The following SCFD1 variants were observed in gnomAD, a reference collection of about 807,000 sequenced individuals.
The protein encoded by SCFD1 is sec1 family domain-containing protein 1.
SCFD1 carries 37 observed loss-of-function variants against 103.2 expected under a neutral mutation model. That is an observed-to-expected ratio of 0.36 (90% CI 0.28 to 0.47). The LOEUF (loss-of-function observed/expected upper bound fraction) is 0.47, where lower values mean the gene tolerates loss of function less well. Ranked by LOEUF, SCFD1 falls within the 20% of genes least tolerant of loss-of-function variation. The pLI is 1.00. For missense variants in SCFD1, 639 were observed against 761.2 expected (o/e 0.84, Z 1.89); for synonymous variants, 264 against 245.0 (o/e 1.08, Z -0.73).
chr14:30,640,593 G>T (rs1305095756), intron 6 of SCFD1, among the ~76,000 whole-genome samples: 1 of 151,886 alleles, frequency 6.6e-6, no homozygotes, highest in Non-Finnish European at 1.5e-5. Flanking sequence ...CTCCTAATCA[G>T]TCCCCTTTAA....
rs576967604 is a variant in SCFD1, at chr14:30,717,150, T to C, written c.1683+1173T>C. ...AAAAATATAAGTAAATGCAAAACTT[T>C]AGACAGGTGCCAAATACACAGGGGG... is the stretch of plus-strand genomic sequence containing the variant. On this transcript the variant is annotated intron_variant, in intron 20 of 24. Transcript: ENST00000458591. Among the ~76,000 whole-genome samples the C allele has an allele frequency of 7.4e-4, 112 of 152,290 alleles. 1 individual carries two copies. Among genetic ancestry groups the C allele is most frequent in the Non-Finnish European group, 3.7e-4 (25 of 68,010 alleles).
rs1463243926 is a variant in SCFD1 at position 30,649,574 on chromosome 14, G to A, written c.660G>A (p.Met220Ile). The change falls in exon 8 of 25, where the codon ATG (methionine) becomes ATA (isoleucine). Residue 220 changes from methionine to isoleucine, a missense_variant. Transcript: ENST00000458591. ...GTTCAAGAGGAACAGCAGCAGAAAT[G>A]GTAGCAGTGGTAAGTTCATGCGGAT... ...IRCSRGTAAE[M>I]VAVKLDKKLR... 3 of 1,569,600 alleles carry A rather than the reference G, an allele frequency of 1.9e-6. No individual in the cohort carries two copies. The highest frequency in any genetic ancestry group is 2.4e-5 in the East Asian group (1 of 42,036).
At chr14:30,698,432 T>C (rs1282464260) in intron 15 of SCFD1, among the ~76,000 whole-genome samples, 3 of 152,186 alleles carry the variant, frequency 2.0e-5, no homozygotes, top group Non-Finnish European at 4.4e-5. Context: ...AGTTTTAAAG[T>C]ATGTTTCCTC....
At chr14:30,634,270 G>C (rs769660462) in intron 4 of SCFD1, among the ~76,000 whole-genome samples, 1 of 152,040 alleles carries the variant, frequency 6.6e-6, no homozygotes, top group Non-Finnish European at 1.5e-5. Flanking sequence ...CACAGTTTCA[G>C]TTATCCACAG....
Position 30,633,280 on chromosome 14 carries a change from C to G in SCFD1, c.222-667C>G, listed in dbSNP as rs556286122. Among the ~76,000 whole-genome samples, 15 of 152,220 alleles carry G rather than the reference C, an allele frequency of 9.9e-5. No homozygotes were observed. The East Asian group carries it at 2.7e-3, about 27-fold the overall frequency. On this transcript the variant is annotated intron_variant, in intron 3 of 24. Coordinates refer to ENST00000458591, the MANE Select transcript of SCFD1 (RefSeq NM_016106.4). ...GGATGACTAGAGAGAGGTGAATATT[C>G]CTCATATAAGCATGGTTTGATGTTG... is the stretch of plus-strand genomic sequence containing the variant.
At chr14:30,664,515 G>A (rs1200329335) in intron 10 of SCFD1, among the ~76,000 whole-genome samples, 1 of 152,092 alleles carries the variant, frequency 6.6e-6, no homozygotes, top group Non-Finnish European at 1.5e-5. Flanking sequence ...GCAGCTCCTC[G>A]CCAGCAACGG....
In SCFD1 at chr14:30,638,153, A is replaced by G. The variant is rs1269811430; in HGVS notation, c.341A>G (p.Tyr114Cys). The change falls in exon 5 of 25, where the codon TAT (tyrosine) becomes TGT (cysteine). Residue 114 changes from tyrosine (Y) to cysteine (C), a missense_variant. By Grantham distance (194) the Tyr-to-Cys change is radical. Coordinates refer to ENST00000458591, the MANE Select transcript of SCFD1 (RefSeq NM_016106.4). The part of the protein sequence containing the change: ...QDLRNQLYES[Y>C]YLNFISAISR... ...CTTCGAAATCAACTATATGAATCAT[A>G]TTATTTAAATTTTATTTCTGCTATT... 1 of 1,610,858 alleles carries G rather than the reference A, an allele frequency of 6.2e-7. No homozygotes were observed. Among genetic ancestry groups the G allele is most frequent in the Non-Finnish European group, 8.5e-7 (1 of 1,178,432 alleles).
At chr14:30,623,206 A>C (rs1390880728) in intron 1 of SCFD1, among the ~76,000 whole-genome samples, 1 of 152,196 alleles carries the variant, frequency 6.6e-6, no homozygotes, top group African/African-American at 2.4e-5. Context: ...TTTTCAAGCA[A>C]TTTATTCTGA....
intron 10 of SCFD1, among the ~76,000 whole-genome samples, chr14:30,665,609 A>G (rs1392829975): frequency 6.6e-6 from 1 of 152,218 alleles, no homozygotes; most frequent in East Asian, 1.9e-4. Context: ...AATTGGATAA[A>G]GAGTCAAGAC....
At chr14:30,704,239 A>G (rs1891314641) in intron 17 of SCFD1, among the ~76,000 whole-genome samples, 1 of 151,844 alleles carries the variant, frequency 6.6e-6, no homozygotes, top group Admixed American at 6.6e-5. Context: ...GCAGTGATAC[A>G]ATCATAGCTC....
chr14:30,734,921 A>G lies in SCFD1; in HGVS notation c.1905+63A>G, dbSNP rs1893731068. On this transcript the variant is annotated intron_variant, in intron 24 of 24. Coordinates refer to ENST00000458591, the MANE Select transcript of SCFD1 (RefSeq NM_016106.4). Reference sequence around the variant, plus strand: ...CCCCTAGTTGCTATTGGTATTTTTCAAAAGAGAGAAAGAAAACCACTTACT... The same window carrying G: ...CCCCTAGTTGCTATTGGTATTTTTCGAAAGAGAGAAAGAAAACCACTTACT... The G allele has an allele frequency of 1.7e-5, 23 of 1,341,220 alleles. No homozygotes were observed. In the East Asian group the frequency reaches 5.1e-4, roughly 30 times the overall value. 83.1% of individuals were successfully genotyped at this position (1,341,220 alleles called of 1,614,324 possible).
At chr14:30,708,349 A>G (rs957377319) in intron 19 of SCFD1, among the ~76,000 whole-genome samples, 5 of 152,032 alleles carry the variant, frequency 3.3e-5, no homozygotes, top group South Asian at 2.1e-4. Flanking sequence ...CCGGCCTCCT[A>G]CAGGCCCCGA....
At chr14:30,638,045 C>T in intron 4 of SCFD1, 80 bp from the exon 5 acceptor site, 11 of 1,375,464 alleles carry the variant, frequency 8.0e-6, no homozygotes, top group Non-Finnish European at 9.5e-6. Context: ...TTAAATATAA[C>T]TTTGCCTTAT....
Position 30,711,796 on chromosome 14 carries a change from G to A in SCFD1, c.1629+3731G>A, listed in dbSNP as rs1214100083. 2.8e-4 allele frequency among the ~76,000 whole-genome samples: 42 copies of A among 152,026 alleles called. 1 individual carries two copies. The highest frequency in any genetic ancestry group is 2.7e-3 in the Admixed American group (41 of 15,262). On this transcript the variant is annotated intron_variant, in intron 19 of 24. Transcript: ENST00000458591. The stretch of plus-strand genomic sequence containing the variant: ...TTAAGAGTTTTTATATTTTGGATAT[G>A]TGTACTGAAATATTTATGGCTAAAA...
chr14:30,643,442 A>T, intron 7 of SCFD1, 37 bp downstream of exon 7: 1 of 1,359,710 alleles, frequency 7.4e-7, no homozygotes, highest in Non-Finnish European at 1.1e-6. Flanking sequence ...TCTTCAAAGT[A>T]AATTATTTAA....
intron 4 of SCFD1, among the ~76,000 whole-genome samples, chr14:30,636,824 T>A (rs1350595998): frequency 6.6e-6 from 1 of 152,124 alleles, no homozygotes; most frequent in Non-Finnish European, 1.5e-5. Flanking sequence ...TTTAGGATTC[T>A]TCATTGCAAT....
chr14:30,634,847 C>G lies in SCFD1; in HGVS notation c.312+810C>G, dbSNP rs539751763. The G allele has an allele frequency of 4.2e-5, 19 of 455,940 alleles. No individual in the cohort carries two copies. In the Admixed American group the frequency reaches 4.2e-4, roughly 10 times the overall value. The allele number at this position is 455,940 out of a possible 1,614,324, so 28.2% of individuals were successfully genotyped here. ...GAAGAGGGACATGGACTGTGCCAGCCCTGACTGTTGATTTTGATCAGGAAT... is the reference window on the plus strand; with the variant it reads ...GAAGAGGGACATGGACTGTGCCAGCGCTGACTGTTGATTTTGATCAGGAAT... On this transcript the variant is annotated intron_variant, in intron 4 of 24. Coordinates refer to ENST00000458591, the MANE Select transcript of SCFD1 (RefSeq NM_016106.4).
At chr14:30,649,703 G>A in intron 8 of SCFD1, 120 bp downstream of exon 8, 1 of 686,126 alleles carries the variant, frequency 1.5e-6, no homozygotes. Context: ...GGTACCAATA[G>A]CAAATATTTT....
chr14:30,635,546 A>G (rs1594570029), intron 4 of SCFD1, among the ~76,000 whole-genome samples: 1 of 152,294 alleles, frequency 6.6e-6, no homozygotes, highest in African/African-American at 2.4e-5. Context: ...TTCTCTTAGC[A>G]TAATGTTTCC....
Sources: allele counts gnomAD v4.1 joint callset (sites outside exome capture counted in the v4.1 genomes callset), GRCh38; gene constraint gnomAD v4.1.1; transcripts MANE v1.5; gene names NCBI Gene and HGNC (gene_info 2026-07-23, HGNC 2026-07-21).